HOXA13: variants seen among roughly 807,000 people sequenced by gnomAD.
The protein encoded by HOXA13 is homeobox protein Hox-A13.
In HOXA13, 5 loss-of-function variants were observed where a neutral mutation model predicts 25.7. That is an observed-to-expected ratio of 0.19 (90% CI 0.10 to 0.41). The LOEUF is 0.41. Among genes scored for constraint, HOXA13 ranks in the 10% least tolerant of loss-of-function variants. The pLI is 1.00. For missense variants in HOXA13, 557 were observed against 533.5 expected, an observed-to-expected ratio of 1.04 and a Z score of -0.43; for synonymous variants, 284 against 241.1, an observed-to-expected ratio of 1.18 and a Z score of -1.65.
Position 27,197,790 on chromosome 7 carries a change from A to G in HOXA13, c.*408T>C. ...CAAAGGGAATGGCGACCTAAGAAGG[A>G]CAAGCAGATGTTTACAATGGCCTCT... On this transcript the variant is annotated 3_prime_UTR_variant, in exon 2 of 2. Transcript: ENST00000649031. 1 of 316,108 alleles carries G rather than the reference A, an allele frequency of 3.2e-6. No homozygotes were observed. Among genetic ancestry groups the G allele is most frequent in the Admixed American group, 4.7e-5 (1 of 21,470 alleles). 19.6% of individuals were successfully genotyped at this position (316,108 alleles called of 1,614,324 possible).
chr7:27,198,940 C>T (rs1171099077), intron 1 of HOXA13, among the ~76,000 whole-genome samples: 1 of 151,702 alleles, frequency 6.6e-6, no homozygotes, highest in African/African-American at 2.4e-5. Context: ...GCCGAGGTCT[C>T]CACAAGCCAC....
Position 27,199,285 on chromosome 7 carries a change from G to A in HOXA13, c.793C>T (p.Arg265Cys), listed in dbSNP as rs752872577. 6.2e-6 allele frequency: 10 copies of A among 1,613,918 alleles called. No individual in the cohort carries two copies. Among genetic ancestry groups the A allele is most frequent in the Non-Finnish European group, 8.5e-6 (10 of 1,179,992 alleles). Residue 265 changes from arginine to cysteine, a missense_variant, in exon 1 of 2, where the codon CGC (arginine) becomes TGC (cysteine). Coordinates refer to ENST00000649031, the MANE Select transcript of HOXA13 (RefSeq NM_000522.5). ...VPGLGGPGESRHEPLGLPMES... is the reference protein window; with the variant it reads ...VPGLGGPGESCHEPLGLPMES... ...ATGGGAAGACCCAAGGGTTCGTGGC[G>A]CGACTCGCCGGGGCCCCCGAGGCCC...
rs2115471482 is a variant in HOXA13, at chr7:27,198,396, T to C, written c.969A>G (p.Arg323=). 1 of 1,614,112 alleles carries C rather than the reference T, an allele frequency of 6.2e-7. No homozygotes were observed. The highest frequency in any genetic ancestry group is 8.5e-7 in the Non-Finnish European group (1 of 1,180,012). The part of the protein sequence containing the change: ...PSDASSYRRG[R]KKRVPYTKVQ... ...CCTTGGTATAAGGCACGCGCTTCTT[T>C]CTCCCCCTCCTATAGGAGCTGGCAT... The change falls in exon 2 of 2, where the codon AGA becomes AGG. Residue 323 remains arginine (R), a synonymous_variant. Transcript: ENST00000649031.
chr7:27,197,793 A>G lies in HOXA13; in HGVS notation c.*405T>C. On this transcript the variant is annotated 3_prime_UTR_variant, in exon 2 of 2. Coordinates refer to ENST00000649031, the MANE Select transcript of HOXA13 (RefSeq NM_000522.5). ...AGGGAATGGCGACCTAAGAAGGACA[A>G]GCAGATGTTTACAATGGCCTCTTGC... The G allele has an allele frequency of 3.1e-6, 1 of 321,610 alleles. No homozygotes were observed. The highest frequency in any genetic ancestry group is 5.1e-5 in the East Asian group (1 of 19,524). The allele number at this position is 321,610 out of a possible 1,614,324, so 19.9% of individuals were successfully genotyped here.
intron 1 of HOXA13, 60 bp from the exon 2 acceptor site, chr7:27,198,502 G>A: frequency 4.4e-6 from 7 of 1,606,068 alleles, no homozygotes; most frequent in South Asian, 3.3e-5. Context: ...GGGCATAGGC[G>A]ACAGCTCGAT....
Position 27,199,679 on chromosome 7 carries a change from C to CGCGGCG in HOXA13, c.393_398dup (p.Ala132_Ala133dup), listed in dbSNP as rs955237055. The CGCGGCG allele has an allele frequency of 9.5e-6, 11 of 1,160,778 alleles. No homozygotes were observed. The Admixed American group carries it at 2.4e-4, about 25-fold the overall frequency. 71.9% of individuals were successfully genotyped at this position (1,160,778 alleles called of 1,614,324 possible). ...CCGGGCCGGGACCTCCCGAGGACGA[C>CGCGGCG]GCGGCGGCGGCGGCGGCGGCTGCAG... On this transcript the variant is annotated inframe_insertion, in exon 1 of 2. Coordinates refer to ENST00000649031, the MANE Select transcript of HOXA13 (RefSeq NM_000522.5).
At position 27,198,552 on chromosome 7, in the gene HOXA13, AC is replaced by A. The variant is rs986281310; in HGVS notation, c.923-111del. ...TTGCAGCGCCCGGCTGCTCTTTGCC[AC>A]CCGCTGTACAATCCTGTCTTCTGCT... is the stretch of plus-strand genomic sequence containing the variant. On this transcript the variant is annotated intron_variant, in intron 1 of 1. Transcript: ENST00000649031. The A allele has an allele frequency of 9.7e-5, 126 of 1,295,032 alleles. 1 individual carries two copies. The Admixed American group carries it at 2.2e-3, about 23-fold the overall frequency. The allele number at this position is 1,295,032 out of a possible 1,614,324, so 80.2% of individuals were successfully genotyped here. A position where few individuals can be genotyped will look rare whatever the true frequency, so the allele number is the denominator to read the frequency against.
In HOXA13 at chr7:27,196,305, T is replaced by G. The variant is rs930614502; in HGVS notation, c.*1893A>C. On this transcript the variant is annotated 3_prime_UTR_variant, in exon 2 of 2. Coordinates refer to ENST00000649031, the MANE Select transcript of HOXA13 (RefSeq NM_000522.5). ...GAGCCAAATAATTGAGTACTGAATC[T>G]CTAAAGTCAAGGAGGTAAGAGCTCT... 3 of 152,174 alleles carry G rather than the reference T, an allele frequency of 2.0e-5. No homozygotes were observed. The highest frequency in any genetic ancestry group is 2.0e-4 in the Admixed American group (3 of 15,274). The allele number at this position is 152,174 out of a possible 1,614,324, so 9.4% of individuals were successfully genotyped here.
In HOXA13 at chr7:27,197,908, C is replaced by A. The variant is rs1415984418; in HGVS notation, c.*290G>T. ...AATACTTACAAGATTTCAGTAACTG[C>A]GTAACTTATCTGAAATTGCGTATTT... On this transcript the variant is annotated 3_prime_UTR_variant, in exon 2 of 2. Transcript: ENST00000649031. 2.1e-6 allele frequency: 1 copy of A among 483,186 alleles called. No individual in the cohort carries two copies. Among genetic ancestry groups the A allele is most frequent in the Non-Finnish European group, 3.7e-6 (1 of 267,166 alleles). The allele number at this position is 483,186 out of a possible 1,614,324, so 29.9% of individuals were successfully genotyped here.
At position 27,199,671 on chromosome 7, in the gene HOXA13, G is replaced by A. The variant is rs1158254994; in HGVS notation, c.407C>T (p.Ser136Leu). ...AAAAAAAASSSGGPGPAGPAG... is the reference protein window; with the variant it reads ...AAAAAAAASSLGGPGPAGPAG... Reference sequence around the variant, plus strand: ...CGGGCCCGCCGGGCCGGGACCTCCCGAGGACGACGCGGCGGCGGCGGCGGC... The same window carrying A: ...CGGGCCCGCCGGGCCGGGACCTCCCAAGGACGACGCGGCGGCGGCGGCGGC... Residue 136 changes from serine to leucine, a missense_variant, in exon 1 of 2, where the codon TCG becomes TTG. Ser to Leu is a moderately radical substitution (Grantham distance 145, BLOSUM62 -2). Transcript: ENST00000649031. 6 of 1,185,996 alleles carry A rather than the reference G, an allele frequency of 5.1e-6. No individual in the cohort carries two copies. The highest frequency in any genetic ancestry group is 5.2e-6 in the Non-Finnish European group (5 of 960,922). 73.5% of individuals were successfully genotyped at this position (1,185,996 alleles called of 1,614,324 possible).
Position 27,196,998 on chromosome 7 carries a change from C to T in HOXA13, c.*1200G>A, listed in dbSNP as rs560862832. ...AAGCAGGTGCACAAATACATTTTCACAGTGTGCTGAATGTCTTTATTTACA... is the reference window on the plus strand; with the variant it reads ...AAGCAGGTGCACAAATACATTTTCATAGTGTGCTGAATGTCTTTATTTACA... On this transcript the variant is annotated 3_prime_UTR_variant, in exon 2 of 2. Coordinates refer to ENST00000649031, the MANE Select transcript of HOXA13 (RefSeq NM_000522.5). 2.6e-4 allele frequency: 50 copies of T among 193,962 alleles called. No homozygotes were observed. Among genetic ancestry groups the T allele is most frequent in the African/African-American group, 1.1e-3 (49 of 43,212 alleles). The allele number at this position is 193,962 out of a possible 1,614,324, so 12.0% of individuals were successfully genotyped here. A position where few individuals can be genotyped will look rare whatever the true frequency, so the allele number is the denominator to read the frequency against.
chr7:27,199,718 A>G lies in HOXA13; in HGVS notation c.360T>C (p.Ala120=), dbSNP rs1055737077. Residue 120 remains alanine, a synonymous_variant, in exon 1 of 2, where the codon GCT becomes GCC. Transcript: ENST00000649031. ...GEAPPSAAAA[A]AAAAAAAAAA... is the part of the protein sequence containing the mutation. The stretch of plus-strand genomic sequence containing the variant: ...CGGCGGCTGCAGCGGCAGCCGCGGC[A>G]GCAGCGGCGGCAGCCGACGGGGGCG... 7.0e-6 allele frequency: 7 copies of G among 997,458 alleles called. No homozygotes were observed. Among genetic ancestry groups the G allele is most frequent in the East Asian group, 1.1e-4 (1 of 8,846 alleles). The allele number at this position is 997,458 out of a possible 1,614,324, so 61.8% of individuals were successfully genotyped here.
intron 1 of HOXA13, among the ~76,000 whole-genome samples, 175 bp downstream of exon 1, chr7:27,198,981 C>G (rs1210899935): frequency 6.6e-6 from 1 of 152,134 alleles, no homozygotes; most frequent in African/African-American, 2.4e-5. Context: ...GGGACCAGCT[C>G]AACTCGAGGC....
In HOXA13 at chr7:27,199,931, C is replaced by A. The variant is rs35042646; in HGVS notation, c.147G>T (p.Ala49=). The change falls in exon 1 of 2, where the codon GCG becomes GCT. Residue 49 remains alanine, a synonymous_variant. Coordinates refer to ENST00000649031, the MANE Select transcript of HOXA13 (RefSeq NM_000522.5). ...AAAAAAAAAA[A]AAGAGGGGFP... ...AGCCCCCGCCCCCGGCCCCGGCAGC[C>A]GCCGCCGCTGCAGCCGCTGCTGCAG... The A allele has an allele frequency of 1.7e-5, 21 of 1,249,312 alleles. No individual in the cohort carries two copies. The highest frequency in any genetic ancestry group is 2.2e-5 in the Non-Finnish European group (21 of 975,252). 77.4% of individuals were successfully genotyped at this position (1,249,312 alleles called of 1,614,324 possible).
rs146295885 is a variant in HOXA13, at chr7:27,198,715, G to C, written c.923-273C>G. ...GCCTCGAGTGATAGCCTGGTCCAACGGCCCACACCTTAGCGCCAGGCTCAA... is the reference window on the plus strand; with the variant it reads ...GCCTCGAGTGATAGCCTGGTCCAACCGCCCACACCTTAGCGCCAGGCTCAA... On this transcript the variant is annotated intron_variant, in intron 1 of 1. Transcript: ENST00000649031. The C allele has an allele frequency of 3.7e-4, 206 of 560,688 alleles. 1 individual carries two copies. In the East Asian group the frequency reaches 6.2e-3, roughly 17 times the overall value. 34.7% of individuals were successfully genotyped at this position (560,688 alleles called of 1,614,324 possible).
In HOXA13 at chr7:27,194,602, G is replaced by T. The variant is rs1783983748; in HGVS notation, c.*3596C>A. ...AAAGGAGCCATAATAAATAATCCAT[G>T]CCCACTTTAGGTTATCTGGTAGATC... On this transcript the variant is annotated 3_prime_UTR_variant, in exon 2 of 2. Transcript: ENST00000649031. The T allele has an allele frequency of 6.6e-6, 1 of 152,088 alleles. No homozygotes were observed. The highest frequency in any genetic ancestry group is 1.5e-5 in the Non-Finnish European group (1 of 68,030). The allele number at this position is 152,088 out of a possible 1,614,324, so 9.4% of individuals were successfully genotyped here.
intron 1 of HOXA13, 149 bp from the exon 2 acceptor site, chr7:27,198,591 G>C: frequency 1.1e-6 from 1 of 897,586 alleles, no homozygotes; most frequent in Non-Finnish European, 1.8e-6. Flanking sequence ...AGCCTAGAGG[G>C]TCAGTGGGGA....
At position 27,198,080 on chromosome 7, in the gene HOXA13, C is replaced by CT; in HGVS notation, c.*117dup. ...CTTCGGGAGAGGAAAATGCCAGTCT[C>CT]TGTCTCTTTCTCTTTCCCATTCTTC... On this transcript the variant is annotated 3_prime_UTR_variant, in exon 2 of 2. Transcript: ENST00000649031. 8.7e-7 allele frequency: 1 copy of CT among 1,151,710 alleles called. No homozygotes were observed. The highest frequency in any genetic ancestry group is 1.3e-5 in the South Asian group (1 of 76,634). The allele number at this position is 1,151,710 out of a possible 1,614,324, so 71.3% of individuals were successfully genotyped here.
At position 27,198,035 on chromosome 7, in the gene HOXA13, A is replaced by G; in HGVS notation, c.*163T>C. The G allele has an allele frequency of 1.2e-6, 1 of 825,968 alleles. No homozygotes were observed. Among genetic ancestry groups the G allele is most frequent in the East Asian group, 2.4e-5 (1 of 41,058 alleles). 51.2% of individuals were successfully genotyped at this position (825,968 alleles called of 1,614,324 possible). On this transcript the variant is annotated 3_prime_UTR_variant, in exon 2 of 2. Coordinates refer to ENST00000649031, the MANE Select transcript of HOXA13 (RefSeq NM_000522.5). ...AAGTTTTAAAACAGTTGTAGATTCC[A>G]TTAAAGAGAAAGAGATCTCCTTCGG...
Sources: gnomAD v4.1 joint callset for allele counts (sites outside exome capture counted in the v4.1 genomes callset) on GRCh38, gnomAD v4.1.1 for gene constraint, MANE v1.5 for transcripts, NCBI Gene and HGNC (gene_info 2026-07-23, HGNC 2026-07-21) for gene names.